The following FRMD6 variants were observed in gnomAD, a reference collection of about 807,000 sequenced individuals.
The protein encoded by FRMD6 is FERM domain-containing protein 6.
FRMD6 carries 37 observed loss-of-function variants against 73.2 expected under a neutral mutation model. The ratio of observed to expected loss-of-function variants is 0.51; its 90% CI spans 0.39 to 0.66. The LOEUF (loss-of-function observed/expected upper bound fraction) is 0.66. Ranked by LOEUF, FRMD6 falls within the 30% of genes least tolerant of loss-of-function variation. The pLI is 0.00. For missense variants in FRMD6, 714 were observed against 780.5 expected (o/e 0.91, Z 1.02); for synonymous variants, 273 against 282.2 (o/e 0.97, Z 0.33).
At chr14:51,439,619 GGTTTT>G in the FRMD6 span, among the ~76,000 whole-genome samples, 2 of 152,128 alleles carry the variant, frequency 1.3e-5, no homozygotes, top group African/African-American at 4.8e-5. Context: ...TAGGTCACAC[GGTTTT>G]GTAAAATTTC....
At chr14:51,707,736 T>C (rs1039570497) in intron 6 of FRMD6, among the ~76,000 whole-genome samples, 1 of 152,172 alleles carries the variant, frequency 6.6e-6, no homozygotes, top group Non-Finnish European at 1.5e-5. Context: ...GTACCAAGTA[T>C]AAACTTGCAA....
intron 10 of FRMD6, among the ~76,000 whole-genome samples, chr14:51,716,383 A>G (rs939481734): frequency 1.3e-5 from 2 of 152,082 alleles, no homozygotes; most frequent in African/African-American, 4.8e-5. Flanking sequence ...TGTTGTAGTA[A>G]TATCTAACAG....
chr14:51,602,412 C>A (rs944135547), intron 2 of FRMD6, among the ~76,000 whole-genome samples: 3 of 152,170 alleles, frequency 2.0e-5, no homozygotes, highest in African/African-American at 7.2e-5. Flanking sequence ...GGACCAGTCA[C>A]TTGCTTTTGT....
the FRMD6 span, among the ~76,000 whole-genome samples, chr14:51,424,831 G>A: frequency 2.0e-5 from 3 of 152,212 alleles, no homozygotes; most frequent in African/African-American, 7.2e-5. Context: ...GTGAGAAAAA[G>A]CAGCTGTTAT....
intron 1 of FRMD6, among the ~76,000 whole-genome samples, chr14:51,544,267 A>T (rs1304084784): frequency 6.6e-6 from 1 of 152,094 alleles, no homozygotes; most frequent in Admixed American, 6.6e-5. Flanking sequence ...TTTAAAACTT[A>T]AGGATTTATG....
At chr14:51,499,498 T>C (rs1883482227) in intron 1 of FRMD6, among the ~76,000 whole-genome samples, 1 of 152,218 alleles carries the variant, frequency 6.6e-6, no homozygotes, top group Admixed American at 6.5e-5. Context: ...CTTAAAGCAG[T>C]CTGTTTTACA....
chr14:51,470,376 C>T, the FRMD6 span, among the ~76,000 whole-genome samples: 2 of 151,868 alleles, frequency 1.3e-5, no homozygotes, highest in East Asian at 1.9e-4. Flanking sequence ...AATTAGCTGG[C>T]GCAGTGGCAG....
intron 1 of FRMD6, among the ~76,000 whole-genome samples, chr14:51,559,767 C>T (rs1023156373): frequency 6.6e-6 from 1 of 152,088 alleles, no homozygotes; most frequent in Admixed American, 6.6e-5. Context: ...TTTTCCTGAA[C>T]ATAAAATTTC....
At chr14:51,612,703 C>T (rs1822338324) in intron 2 of FRMD6, among the ~76,000 whole-genome samples, 1 of 152,142 alleles carries the variant, frequency 6.6e-6, no homozygotes, top group South Asian at 2.1e-4. Context: ...CTCTAAGGCA[C>T]CTTCAAACTC....
At chr14:51,501,852 G>A (rs1052854713) in intron 1 of FRMD6, among the ~76,000 whole-genome samples, 2 of 152,116 alleles carry the variant, frequency 1.3e-5, no homozygotes, top group Non-Finnish European at 2.9e-5. Context: ...CTGTGTAAAA[G>A]TGTTCCTTTT....
At chr14:51,716,887 C>G (rs749349) in intron 10 of FRMD6, among the ~76,000 whole-genome samples, 103,918 of 152,050 alleles carry the variant, frequency 0.68, 35,764 homozygotes, top group Non-Finnish European at 0.71. Flanking sequence ...GACATAATTA[C>G]GTGCAGAGCC....
chr14:51,658,036 A>G (rs1403267076), intron 1 of FRMD6, among the ~76,000 whole-genome samples: 2 of 152,212 alleles, frequency 1.3e-5, no homozygotes, highest in African/African-American at 2.4e-5. Context: ...AGAGAAGGCA[A>G]GATCAGGGCT....
In FRMD6 at chr14:51,730,510, C is replaced by T. The variant is rs1898200978; in HGVS notation, c.*2481C>T. 2 of 152,492 alleles carry T rather than the reference C, an allele frequency of 1.3e-5. No individual in the cohort carries two copies. The highest frequency in any genetic ancestry group is 4.1e-4 in the South Asian group (2 of 4,828). The allele number at this position is 152,492 out of a possible 1,614,324, so 9.4% of individuals were successfully genotyped here. A position where few individuals can be genotyped will look rare whatever the true frequency, so the allele number is the denominator to read the frequency against. ...CATATCTATCGCTTGTCAGTATACC[C>T]GTTTTGGTATATATTGCCTCTGCAC... On this transcript the variant is annotated 3_prime_UTR_variant, in exon 14 of 14. Coordinates refer to ENST00000344768, the MANE Select transcript of FRMD6 (RefSeq NM_001267046.2).
At chr14:51,477,062 T>C in the FRMD6 span, among the ~76,000 whole-genome samples, 2 of 152,160 alleles carry the variant, frequency 1.3e-5, no homozygotes, top group African/African-American at 4.8e-5. Context: ...AACAAAATAC[T>C]AGAAACAATG....
At chr14:51,579,942 G>A (rs768727260) in intron 2 of FRMD6, among the ~76,000 whole-genome samples, 8 of 152,124 alleles carry the variant, frequency 5.3e-5, no homozygotes, top group Non-Finnish European at 1.2e-4. Flanking sequence ...TTATCTGCCA[G>A]AGCTCCACTG....
chr14:51,674,011 T>A (rs1894204270), intron 1 of FRMD6, among the ~76,000 whole-genome samples: 1 of 152,180 alleles, frequency 6.6e-6, no homozygotes, highest in African/African-American at 2.4e-5. Context: ...ACTTTTACTC[T>A]TGGAGAAAAT....
intron 1 of FRMD6, among the ~76,000 whole-genome samples, chr14:51,506,705 C>G (rs1423246126): frequency 6.6e-6 from 1 of 152,164 alleles, no homozygotes; most frequent in African/African-American, 2.4e-5. Flanking sequence ...AGGGAATGAT[C>G]TGAGCAGCAT....
intron 1 of FRMD6, among the ~76,000 whole-genome samples, chr14:51,552,495 A>C (rs61969800): frequency 0.13 from 19,849 of 152,240 alleles, 1,501 homozygotes; most frequent in Non-Finnish European, 0.16. Context: ...TAAGTGGCGC[A>C]GATGGGAACC....
chr14:51,489,325 A>G (rs1882860164), exon 1 of FRMD6: 1 of 152,552 alleles, frequency 6.6e-6, no homozygotes, highest in Non-Finnish European at 1.5e-5. Flanking sequence ...TTTTGTTTCG[A>G]CGATTCTGGT....
Sources: allele counts gnomAD v4.1 joint callset (sites outside exome capture counted in the v4.1 genomes callset), GRCh38; gene constraint gnomAD v4.1.1; transcripts MANE v1.5; gene names NCBI Gene and HGNC (gene_info 2026-07-23, HGNC 2026-07-21).